DNAJC25: variants seen among roughly 807,000 people sequenced by gnomAD.
DNAJC25 encodes the protein dnaJ homolog subfamily C member 25.
Under a neutral mutation model 42.1 loss-of-function variants are expected in DNAJC25, and 26 were observed. That is an observed-to-expected ratio of 0.62 (90% CI 0.45 to 0.86). DNAJC25 has a LOEUF of 0.86. DNAJC25 is among the 40% of genes least tolerant of loss of function. The probability of loss-of-function intolerance (pLI) is 0.00; values close to 1 mark genes in which losing one functional copy is unlikely to be tolerated. For missense variants in DNAJC25, 404 were observed against 459.4 expected (o/e 0.88, Z 1.10); for synonymous variants, 189 against 179.9 (o/e 1.05, Z -0.40).
rs73537378 is a variant in DNAJC25 at position 111,632,733 on chromosome 9, A to G, written c.336+990A>G. On this transcript the variant is annotated intron_variant, in intron 1 of 3. Transcript: ENST00000313525. ...GGCAAAATTTTCTATGTTGCCAGGT[A>G]GCCTGCTTTTAATGATTGTACTTTG... Among the ~76,000 whole-genome samples the G allele has an allele frequency of 3.4e-3, 516 of 149,854 alleles. 5 individuals carry two copies. The highest frequency in any genetic ancestry group is 0.012 in the African/African-American group (480 of 40,584).
At position 111,642,611 on chromosome 9, in the gene DNAJC25, AAATAAATAAAT is replaced by A. The variant is rs1564084994; in HGVS notation, c.337-4493_337-4483del. ...AAACACCCAAGAATTATCAATAAAT[AAATAAATAAAT>A]AAATAAATAAATAAATAAATAAAAA... On this transcript the variant is annotated intron_variant, in intron 1 of 3. Transcript: ENST00000313525. 2.9e-3 allele frequency among the ~76,000 whole-genome samples: 415 copies of A among 142,416 alleles called. 3 individuals carry two copies. The highest frequency in any genetic ancestry group is 0.01 in the African/African-American group (381 of 37,456). The allele number at this position is 142,416 out of a possible 152,430, so 93.4% of individuals were successfully genotyped here. A position where few individuals can be genotyped will look rare whatever the true frequency, so the allele number is the denominator to read the frequency against.
chr9:111,635,594 A>T (rs1169263943), intron 1 of DNAJC25, among the ~76,000 whole-genome samples: 2 of 152,270 alleles, frequency 1.3e-5, no homozygotes, highest in Non-Finnish European at 2.9e-5. Context: ...ATGGCATAGA[A>T]ATAAGCAGAT....
chr9:111,649,657 A>T lies in DNAJC25; in HGVS notation c.694A>T (p.Ile232Leu), dbSNP rs1373006353. The T allele has an allele frequency of 1.2e-6, 2 of 1,613,888 alleles. No homozygotes were observed. Among genetic ancestry groups the T allele is most frequent in the Non-Finnish European group, 1.7e-6 (2 of 1,179,942 alleles). The change falls in exon 3 of 4, where the codon ATA (isoleucine) becomes TTA (leucine). Residue 232 changes from isoleucine (I) to leucine (L), a missense_variant. By Grantham distance (5) the Ile-to-Leu change is conservative. Coordinates refer to ENST00000313525, the MANE Select transcript of DNAJC25 (RefSeq NM_001015882.3). ...IKNIIKSKID[I>L]KGGYQKPQIC... is the part of the protein sequence containing the mutation. ...GAACATTATAAAAAGTAAAATAGAT[A>T]TAAAGGGGGGCTATCAGAAACCCCA...
At chr9:111,639,058 C>T (rs549302498) in intron 1 of DNAJC25, among the ~76,000 whole-genome samples, 3 of 152,102 alleles carry the variant, frequency 2.0e-5, no homozygotes, top group African/African-American at 7.2e-5. Flanking sequence ...TACTTGTTTC[C>T]GAGATCCAGC....
At chr9:111,631,874 A>G in intron 1 of DNAJC25, 131 bp downstream of exon 1, 4 of 1,385,352 alleles carry the variant, frequency 2.9e-6, no homozygotes, top group South Asian at 3.2e-5. Context: ...GCGACCTTTA[A>G]GATACTCACG....
intron 3 of DNAJC25, among the ~76,000 whole-genome samples, chr9:111,651,875 T>A (rs1830666686): frequency 1.3e-5 from 2 of 149,326 alleles, no homozygotes; most frequent in African/African-American, 4.9e-5. Context: ...GTTGCATAAA[T>A]GCAGATGTTC....
At chr9:111,646,449 T>C (rs553410364) in intron 1 of DNAJC25, among the ~76,000 whole-genome samples, 2 of 152,362 alleles carry the variant, frequency 1.3e-5, no homozygotes, top group East Asian at 1.9e-4. Context: ...CAACATATTA[T>C]AGTGATGAAG....
chr9:111,646,709 A>G (rs1469246729), intron 1 of DNAJC25, among the ~76,000 whole-genome samples: 2 of 152,218 alleles, frequency 1.3e-5, no homozygotes, highest in African/African-American at 2.4e-5. Context: ...GCAGAAAACT[A>G]TCTATACAAG....
At chr9:111,644,469 T>G (rs1830534128) in intron 1 of DNAJC25, among the ~76,000 whole-genome samples, 1 of 152,194 alleles carries the variant, frequency 6.6e-6, no homozygotes, top group Non-Finnish European at 1.5e-5. Context: ...GATATCTACG[T>G]TCTGTAGAAC....
intron 3 of DNAJC25, among the ~76,000 whole-genome samples, chr9:111,651,418 CTG>C (rs1187358048): frequency 2.0e-5 from 3 of 152,140 alleles, no homozygotes; most frequent in East Asian, 3.9e-4. Flanking sequence ...ATCTGCAAAA[CTG>C]TGTCTTTCTT....
rs150331354 is a variant in DNAJC25 at position 111,635,265 on chromosome 9, A to G, written c.336+3522A>G. Among the ~76,000 whole-genome samples, 176 of 152,346 alleles carry G rather than the reference A, an allele frequency of 1.2e-3. 1 individual carries two copies. The highest frequency in any genetic ancestry group is 2.1e-3 in the Non-Finnish European group (144 of 68,034). On this transcript the variant is annotated intron_variant, in intron 1 of 3. Transcript: ENST00000313525. ...CTCCTCATTTTTTGTGCGTATATCC[A>G]TAGCACCTAGCACAGTGTCTGGCAC...
At chr9:111,646,012 A>G (rs190382106) in intron 1 of DNAJC25, among the ~76,000 whole-genome samples, 15 of 152,308 alleles carry the variant, frequency 9.8e-5, no homozygotes, top group Admixed American at 3.3e-4. Flanking sequence ...GGCTGAAGCA[A>G]TCCTCCCGCC....
intron 3 of DNAJC25, among the ~76,000 whole-genome samples, 158 bp downstream of exon 3, chr9:111,650,081 G>T (rs1197100901): frequency 2.0e-5 from 3 of 152,172 alleles, no homozygotes; most frequent in Non-Finnish European, 4.4e-5. Flanking sequence ...ACTCTATTTG[G>T]TAGTGAGACG....
rs368887646 is a variant in DNAJC25 at position 111,649,489 on chromosome 9, A to G, written c.526A>G (p.Ser176Gly). The part of the protein sequence containing the change: ...SWWNSYNKAI[S>G]YLATVPKYRI... ...GTGGAATAGCTACAATAAGGCAATC[A>G]GCTACCTAGCCACAGTGCCCAAGTA... The change falls in exon 3 of 4, where the codon AGC (serine) becomes GGC (glycine). Residue 176 changes from serine (S) to glycine (G), a missense_variant. Physicochemically the swap from Ser to Gly is moderately conservative, Grantham distance 56 (BLOSUM62 0). Transcript: ENST00000313525. 3.4e-5 allele frequency: 55 copies of G among 1,601,804 alleles called. 1 individual carries two copies. In the African/African-American group the frequency reaches 6.6e-4, roughly 19 times the overall value.
Position 111,647,225 on chromosome 9 carries a change from T to G in DNAJC25, c.455T>G (p.Ile152Ser). ...LAPKVDVRVV[I>S]LVSVCAISVF... ...CCTAAGGTGGATGTTAGAGTAGTGA[T>G]TTTGGTCAGCGTGTGTGCTATTTCG... Residue 152 changes from isoleucine (I) to serine (S), a missense_variant, in exon 2 of 4, where the codon ATT becomes AGT. Physicochemically the swap from Ile to Ser is moderately radical, Grantham distance 142. Transcript: ENST00000313525. The G allele has an allele frequency of 6.2e-7, 1 of 1,614,152 alleles. No homozygotes were observed. The highest frequency in any genetic ancestry group is 2.2e-5 in the East Asian group (1 of 44,872).
At chr9:111,641,129 G>T in intron 1 of DNAJC25, among the ~76,000 whole-genome samples, 1 of 111,862 alleles carries the variant, frequency 8.9e-6, no homozygotes, top group Non-Finnish European at 1.8e-5. Flanking sequence ...AGGGAGATGG[G>T]GGGGTCAGCC....
intron 1 of DNAJC25, among the ~76,000 whole-genome samples, chr9:111,643,914 C>T (rs1029173866): frequency 1.3e-5 from 2 of 152,132 alleles, no homozygotes; most frequent in Non-Finnish European, 2.9e-5. Context: ...TTGTAGGTTA[C>T]TAAAGAGCAG....
intron 1 of DNAJC25, among the ~76,000 whole-genome samples, chr9:111,638,673 C>T (rs544495622): frequency 6.6e-6 from 1 of 152,150 alleles, no homozygotes; most frequent in East Asian, 1.9e-4. Context: ...TCCTTTGATT[C>T]TTGTGTACCC....
At chr9:111,644,566 C>CAT (rs1830536695) in intron 1 of DNAJC25, among the ~76,000 whole-genome samples, 4 of 152,194 alleles carry the variant, frequency 2.6e-5, no homozygotes, top group Admixed American at 6.5e-5. Flanking sequence ...GACCTTACTC[C>CAT]ATATACTTCA....
Sources: gnomAD v4.1 joint callset for allele counts (sites outside exome capture counted in the v4.1 genomes callset) on GRCh38, gnomAD v4.1.1 for gene constraint, MANE v1.5 for transcripts, NCBI Gene and HGNC (gene_info 2026-07-23, HGNC 2026-07-21) for gene names.